The following C6orf89 variants were observed in gnomAD, a reference collection of about 807,000 sequenced individuals.
C6orf89 encodes bombesin receptor-activated protein C6orf89.
A neutral mutation model predicts 40.7 loss-of-function variants in C6orf89; 29 were observed. The observed-to-expected ratio is 0.71, with a 90% CI of 0.53 to 0.97. The LOEUF is 0.97. Among genes scored for constraint, C6orf89 ranks in the 50% least tolerant of loss-of-function variants. The probability of loss-of-function intolerance (pLI) is 0.00; values close to 1 mark genes in which losing one functional copy is unlikely to be tolerated. For synonymous variants in C6orf89, 165 were observed against 152.2 expected, an observed-to-expected ratio of 1.08 and a Z score of -0.62; for missense variants, 392 against 429.1, an observed-to-expected ratio of 0.91 and a Z score of 0.76.
chr6:36,912,123 A>AG (rs1200091612), intron 4 of C6orf89, among the ~76,000 whole-genome samples: 1 of 152,114 alleles, frequency 6.6e-6, no homozygotes, highest in Admixed American at 6.5e-5. Context: ...ACATGCTTCA[A>AG]GCCCTGGAAG....
upstream of C6orf89, among the ~76,000 whole-genome samples, chr6:36,885,446 CAATT>C (rs1483446993): frequency 2.6e-5 from 4 of 152,314 alleles, no homozygotes; most frequent in Middle Eastern, 3.4e-3. Context: ...TTCCATTGCT[CAATT>C]AAACTCCTTT....
In C6orf89 at chr6:36,907,275, C is replaced by CTTTTGTTTTGTTTTGTTTTG. The variant is rs58524464; in HGVS notation, c.403+4861_403+4880dup. On this transcript the variant is annotated intron_variant, in intron 4 of 8. Coordinates refer to ENST00000480824, the MANE Select transcript of C6orf89 (RefSeq NM_001286635.2). The stretch of plus-strand genomic sequence containing the variant: ...GGAGTTTTTTGTCCTGGAAAGAAAT[C>CTTTTGTTTTGTTTTGTTTTG]TTTTGTTTTGTTTTGTTTTGTTTTG... Among the ~76,000 whole-genome samples the CTTTTGTTTTGTTTTGTTTTG allele has an allele frequency of 5.8e-3, 881 of 151,176 alleles. 9 individuals carry two copies. The highest frequency in any genetic ancestry group is 0.02 in the African/African-American group (816 of 40,972).
chr6:36,899,134 C>T (rs1333584213), intron 2 of C6orf89, among the ~76,000 whole-genome samples: 1 of 152,118 alleles, frequency 6.6e-6, no homozygotes, highest in African/African-American at 2.4e-5. Context: ...TTCAGAGTCC[C>T]ATTAGGATAT....
rs1762665615 is a variant in C6orf89 at position 36,926,061 on chromosome 6, T to C, written c.*2620T>C. 1 of 152,258 alleles carries C rather than the reference T, an allele frequency of 6.6e-6. No homozygotes were observed. Among genetic ancestry groups the C allele is most frequent in the South Asian group, 2.1e-4 (1 of 4,830 alleles). 9.4% of individuals were successfully genotyped at this position (152,258 alleles called of 1,614,324 possible). A position where few individuals can be genotyped will look rare whatever the true frequency, so the allele number is the denominator to read the frequency against. The stretch of plus-strand genomic sequence containing the variant: ...TGGCCTCCCACTACAGAGATGCGTA[T>C]GCCCAGAAGTCAGCTCTCTGAGGAG... On this transcript the variant is annotated 3_prime_UTR_variant, in exon 9 of 9. Transcript: ENST00000480824.
chr6:36,882,731 TTTC>T (rs1241937279), upstream of C6orf89, among the ~76,000 whole-genome samples: 11,258 of 69,740 alleles, frequency 0.16, 529 homozygotes, highest in Non-Finnish European at 0.19. Flanking sequence ...TTTTTTCTTT[TTTC>T]TTTTTTTTTT....
chr6:36,897,288 A>G (rs925901037), intron 2 of C6orf89, among the ~76,000 whole-genome samples: 16 of 152,214 alleles, frequency 1.1e-4, no homozygotes, highest in African/African-American at 3.4e-4. Flanking sequence ...CAGAATCTCC[A>G]TATACACCCA....
chr6:36,887,038 C>T (rs1775018393), intron 1 of C6orf89, among the ~76,000 whole-genome samples: 1 of 152,186 alleles, frequency 6.6e-6, no homozygotes. Context: ...CTCCACACAC[C>T]AGAAACAATG....
Position 36,872,700 on chromosome 6 carries a change from C to T in C6orf89, c.-628+733C>T, listed in dbSNP as rs186256735. Among the ~76,000 whole-genome samples, 8 of 152,206 alleles carry T rather than the reference C, an allele frequency of 5.3e-5. No individual in the cohort carries two copies. The East Asian group carries it at 1.5e-3, about 29-fold the overall frequency. On this transcript the variant is annotated intron_variant, in intron 1 of 9. Transcript: ENST00000359359. The stretch of plus-strand genomic sequence containing the variant: ...TCAGCTTATCGCAACCTCCACCTCC[C>T]GGGCTCAAGTGATCCTCTCACCTCA...
chr6:36,889,453 G>A (rs559468623), intron 1 of C6orf89, among the ~76,000 whole-genome samples: 1 of 152,206 alleles, frequency 6.6e-6, no homozygotes, highest in Admixed American at 6.5e-5. Context: ...AACTTAGAAA[G>A]GAACTATTAT....
Position 36,887,207 on chromosome 6 carries a change from C to T in C6orf89, c.-120+1179C>T, listed in dbSNP as rs544646443. On this transcript the variant is annotated intron_variant, in intron 1 of 8. Transcript: ENST00000480824. ...TCTGCTCACTGCAAGCTCCGCCTCC[C>T]CGGTTCACACCATTCTCCTGCCTCA... 6.6e-5 allele frequency among the ~76,000 whole-genome samples: 10 copies of T among 152,186 alleles called. No homozygotes were observed. In the East Asian group the frequency reaches 1.7e-3, roughly 26 times the overall value.
chr6:36,897,790 C>T (rs1369292961), intron 2 of C6orf89, among the ~76,000 whole-genome samples: 2 of 152,116 alleles, frequency 1.3e-5, no homozygotes, highest in East Asian at 1.9e-4. Flanking sequence ...TGCTGGCGTG[C>T]GCTGGGTTGT....
intron 7 of C6orf89, among the ~76,000 whole-genome samples, chr6:36,919,194 T>C (rs1254081706): frequency 1.3e-5 from 2 of 152,252 alleles, no homozygotes; most frequent in Non-Finnish European, 2.9e-5. Context: ...GAACTACCTT[T>C]GTTAAATTGC....
At chr6:36,915,840 G>A (rs938936905) in intron 6 of C6orf89, among the ~76,000 whole-genome samples, 46 of 152,146 alleles carry the variant, frequency 3.0e-4, no homozygotes, top group Admixed American at 5.2e-4. Context: ...TGTGCCCTGC[G>A]GAAGACATGG....
chr6:36,899,703 ATTG>A, intron 3 of C6orf89, 70 bp downstream of exon 3: 5 of 1,441,160 alleles, frequency 3.5e-6, no homozygotes, highest in Non-Finnish European at 3.9e-6. Context: ...CACAAATGCT[ATTG>A]TTGACTAATC....
chr6:36,875,017 C>A, intron 1 of C6orf89: 1 of 512,240 alleles, frequency 2.0e-6, no homozygotes, highest in Non-Finnish European at 3.5e-6. Context: ...CTCCAAGTGG[C>A]GATACCGCGC....
chr6:36,909,416 G>GTT (rs1410028522), intron 4 of C6orf89, among the ~76,000 whole-genome samples: 2 of 152,024 alleles, frequency 1.3e-5, no homozygotes, highest in Non-Finnish European at 2.9e-5. Context: ...TGTTGTCAAT[G>GTT]TTTTGCCAGT....
intron 2 of C6orf89, among the ~76,000 whole-genome samples, chr6:36,895,590 G>A (rs1482239772): frequency 6.6e-6 from 1 of 152,196 alleles, no homozygotes; most frequent in Non-Finnish European, 1.5e-5. Flanking sequence ...TCTAAATGCA[G>A]CTATATAATC....
In C6orf89 at chr6:36,872,152, G is replaced by A. The variant is rs1774523931; in HGVS notation, c.-628+185G>A. ...TCTAATACTATACATATATACATAT[G>A]TATATATATATAGCTATATCTGATT... On this transcript the variant is annotated intron_variant, in intron 1 of 9. Coordinates refer to the C6orf89 transcript ENST00000359359. Among the ~76,000 whole-genome samples, 10 of 151,322 alleles carry A rather than the reference G, an allele frequency of 6.6e-5. No individual in the cohort carries two copies. In the South Asian group the frequency reaches 1.9e-3, roughly 28 times the overall value.
rs1209502426 is a variant in C6orf89, at chr6:36,902,270, A to G, written c.239A>G (p.Gln80Arg). ...LILLTAYFVI[Q>R]PFSPLAPEPV... is the part of the protein sequence containing the mutation. The stretch of plus-strand genomic sequence containing the variant: ...TTGCTCACTGCCTACTTTGTGATTC[A>G]ACCTTTCAGCCCATTAGCACCTGAG... Residue 80 changes from glutamine to arginine, a missense_variant, in exon 4 of 9, where the codon CAA (glutamine) becomes CGA (arginine). Transcript: ENST00000480824. The G allele has an allele frequency of 1.2e-6, 2 of 1,613,938 alleles. No individual in the cohort carries two copies. Among genetic ancestry groups the G allele is most frequent in the Admixed American group, 1.7e-5 (1 of 59,992 alleles).
Sources: allele counts gnomAD v4.1 joint callset (sites outside exome capture counted in the v4.1 genomes callset), GRCh38; gene constraint gnomAD v4.1.1; transcripts MANE v1.5; gene names NCBI Gene and HGNC (gene_info 2026-07-23, HGNC 2026-07-21).